PRIM2: variants seen among roughly 807,000 people sequenced by gnomAD.
PRIM2 encodes the protein DNA primase subunit 2.
Under a neutral mutation model 67.3 loss-of-function variants are expected in PRIM2, and 39 were observed. The ratio of observed to expected loss-of-function variants is 0.58; its 90% CI spans 0.45 to 0.76. PRIM2 has a LOEUF of 0.76. Ranked by LOEUF, PRIM2 falls within the 30% of genes least tolerant of loss-of-function variation. The pLI, the probability that PRIM2 is intolerant of heterozygous loss-of-function variation, is 0.00. For missense variants in PRIM2, 398 were observed against 598.7 expected, an observed-to-expected ratio of 0.66 and a Z score of 3.50; for synonymous variants, 143 against 198.7, an observed-to-expected ratio of 0.72 and a Z score of 2.36.
At chr6:57,559,685 C>T (rs1324531298) in intron 10 of PRIM2, among the ~76,000 whole-genome samples, 1 of 152,102 alleles carries the variant, frequency 6.6e-6, no homozygotes, top group Non-Finnish European at 1.5e-5. Flanking sequence ...TTGTTCCAGA[C>T]CACCACAATA....
At chr6:57,236,117 A>T in the PRIM2 span, among the ~76,000 whole-genome samples, 1 of 152,342 alleles carries the variant, frequency 6.6e-6, no homozygotes, top group African/African-American at 2.4e-5. Context: ...CGTAAGCTGA[A>T]TTTAGTATGT....
At chr6:57,421,755 C>A (rs1771474575) in intron 7 of PRIM2, among the ~76,000 whole-genome samples, 1 of 152,168 alleles carries the variant, frequency 6.6e-6, no homozygotes, top group Admixed American at 6.5e-5. Flanking sequence ...AGAGTCTCTG[C>A]CACTCAAGAT....
intron 9 of PRIM2, 141 bp from the exon 10 acceptor site, chr6:57,537,299 T>C (rs1775021156): frequency 4.5e-6 from 2 of 444,140 alleles, no homozygotes; most frequent in South Asian, 1.7e-4. Flanking sequence ...GAGTCATCTG[T>C]AACCACAGTA....
chr6:57,228,612 G>T, the PRIM2 span, among the ~76,000 whole-genome samples: 1 of 152,178 alleles, frequency 6.6e-6, no homozygotes, highest in African/African-American at 2.4e-5. Flanking sequence ...TGTGGGGTAT[G>T]GGAGGGCCCC....
upstream of PRIM2, among the ~76,000 whole-genome samples, chr6:57,311,465 C>G (rs950192855): frequency 6.7e-6 from 1 of 149,566 alleles, no homozygotes; most frequent in African/African-American, 2.5e-5. Flanking sequence ...CACTTCCTCC[C>G]AGACTGGGCG....
At chr6:57,615,439 A>T (rs1196221243) in intron 12 of PRIM2, among the ~76,000 whole-genome samples, 1 of 144,710 alleles carries the variant, frequency 6.9e-6, no homozygotes, top group Admixed American at 7.1e-5. Flanking sequence ...AAAAAAAAAA[A>T]ATTGAGAATA....
At chr6:57,423,824 C>T (rs1771538253) in intron 7 of PRIM2, among the ~76,000 whole-genome samples, 1 of 152,126 alleles carries the variant, frequency 6.6e-6, no homozygotes, top group African/African-American at 2.4e-5. Flanking sequence ...AGTAACTGAT[C>T]CCTTGAGGCA....
intron 12 of PRIM2, among the ~76,000 whole-genome samples, chr6:57,628,068 T>C (rs1776983290): frequency 6.6e-6 from 1 of 152,224 alleles, no homozygotes; most frequent in Non-Finnish European, 1.5e-5. Flanking sequence ...ACATGAAAAC[T>C]GGAGAGTTAG....
At chr6:57,257,829 G>A in the PRIM2 span, among the ~76,000 whole-genome samples, 56,143 of 152,014 alleles carry the variant, frequency 0.37, 11,140 homozygotes, top group East Asian at 0.78. Flanking sequence ...GGAACAGTGG[G>A]TCGTTCATAG....
intron 7 of PRIM2, among the ~76,000 whole-genome samples, chr6:57,424,469 C>T (rs1372236929): frequency 6.6e-6 from 1 of 152,010 alleles, no homozygotes; most frequent in East Asian, 1.9e-4. Context: ...TGCCTGACTC[C>T]ACAAGATAAC....
intron 10 of PRIM2, among the ~76,000 whole-genome samples, chr6:57,554,204 A>C (rs1775463004): frequency 6.8e-6 from 1 of 148,092 alleles, no homozygotes; most frequent in African/African-American, 2.5e-5. Context: ...CTTTCTATGG[A>C]TAACATGGCA....
the PRIM2 span, among the ~76,000 whole-genome samples, chr6:57,301,798 G>C: frequency 6.6e-6 from 1 of 152,136 alleles, no homozygotes; most frequent in African/African-American, 2.4e-5. Flanking sequence ...CTCTAGCCTG[G>C]GCGACAGGGC....
intron 7 of PRIM2, among the ~76,000 whole-genome samples, chr6:57,494,246 T>C (rs1773956371): frequency 6.6e-6 from 1 of 152,174 alleles, no homozygotes; most frequent in Non-Finnish European, 1.5e-5. Context: ...CTAGGGTCCA[T>C]TCCATCACGA....
At chr6:57,518,390 A>G (rs1439433755) in intron 8 of PRIM2, among the ~76,000 whole-genome samples, 3 of 152,226 alleles carry the variant, frequency 2.0e-5, no homozygotes, top group Non-Finnish European at 4.4e-5. Flanking sequence ...CTTCTCAGCA[A>G]CATCACTAGT....
At chr6:57,637,171 T>C (rs1326408782) in intron 13 of PRIM2, among the ~76,000 whole-genome samples, 2 of 152,130 alleles carry the variant, frequency 1.3e-5, no homozygotes, top group Non-Finnish European at 2.9e-5. Context: ...AGGGTCTAAC[T>C]GTCAGAAGGA....
At chr6:57,247,186 G>C in the PRIM2 span, among the ~76,000 whole-genome samples, 1 of 152,146 alleles carries the variant, frequency 6.6e-6, no homozygotes, top group Non-Finnish European at 1.5e-5. Context: ...CCTGCACCTA[G>C]AGTATCCATC....
At chr6:57,533,424 G>A (rs1261707138) in intron 9 of PRIM2, among the ~76,000 whole-genome samples, 112 of 152,296 alleles carry the variant, frequency 7.4e-4, no homozygotes, top group African/African-American at 2.4e-3. Context: ...GAGAAAGAAC[G>A]TGAGTTTGGA....
intron 13 of PRIM2, among the ~76,000 whole-genome samples, chr6:57,634,656 A>T (rs1777090529): frequency 6.6e-6 from 1 of 152,290 alleles, no homozygotes; most frequent in African/African-American, 2.4e-5. Context: ...TAAAAATAAG[A>T]TATGAAAATT....
intron 10 of PRIM2, among the ~76,000 whole-genome samples, chr6:57,590,652 CT>C (rs1776267990): frequency 6.6e-6 from 1 of 152,104 alleles, no homozygotes; most frequent in Admixed American, 6.5e-5. Flanking sequence ...ATCTCAATAT[CT>C]GGGGGGTTCT....
Sources: allele counts gnomAD v4.1 joint callset (sites outside exome capture counted in the v4.1 genomes callset), GRCh38; gene constraint gnomAD v4.1.1; transcripts MANE v1.5; gene names NCBI Gene and HGNC (gene_info 2026-07-23, HGNC 2026-07-21).